Variants in POLH observed in about 807,000 individuals in gnomAD.
The protein encoded by POLH is DNA polymerase eta transcript.
POLH carries 53 observed loss-of-function variants against 73.6 expected under a neutral mutation model. That is an observed-to-expected ratio of 0.72 (90% CI 0.58 to 0.91). The LOEUF (loss-of-function observed/expected upper bound fraction) is 0.91. Among genes scored for constraint, POLH ranks in the 40% least tolerant of loss-of-function variants. POLH has a pLI of 0.00. For missense variants in POLH, 768 were observed against 865.4 expected (o/e 0.89, Z 1.41); for synonymous variants, 292 against 308.5 (o/e 0.95, Z 0.56).
At chr6:43,578,352 A>G (rs1763620961) in intron 1 of POLH, 1 of 413,410 alleles carries the variant, frequency 2.4e-6, no homozygotes, top group Non-Finnish European at 4.7e-6. Flanking sequence ...GTGCCATTGC[A>G]CTCCAGCCTG....
intron 3 of POLH, among the ~76,000 whole-genome samples, chr6:43,586,519 C>T (rs1388904177): frequency 2.0e-5 from 3 of 151,978 alleles, no homozygotes; most frequent in South Asian, 2.1e-4. Flanking sequence ...TGTATATTGT[C>T]GTAGAAAACT....
At chr6:43,593,896 A>AAAAAAAG (rs1554139794) in intron 4 of POLH, among the ~76,000 whole-genome samples, 1 of 146,090 alleles carries the variant, frequency 6.8e-6, no homozygotes, top group African/African-American at 2.5e-5. Flanking sequence ...AAAAAAAAAA[A>AAAAAAAG]AAAGAAAGAA....
Position 43,616,261 on chromosome 6 carries a change from CAG to C in POLH, c.*1707_*1708del, listed in dbSNP as rs1235409467. Among the ~76,000 whole-genome samples the C allele has an allele frequency of 1.5e-5, 2 of 130,684 alleles. No individual in the cohort carries two copies. Among genetic ancestry groups the C allele is most frequent in the Non-Finnish European group, 3.2e-5 (2 of 61,548 alleles). 85.7% of individuals were successfully genotyped at this position (130,684 alleles called of 152,430 possible). On this transcript the variant is annotated 3_prime_UTR_variant, in exon 11 of 11. Transcript: ENST00000372236. ...CGCCACTGCACTCCAGCCTGGGTGA[CAG>C]AGCGAGACTCCGTCTCAAAAAAAAA...
In POLH at chr6:43,583,367, C is replaced by T. The variant is rs185183175; in HGVS notation, c.272+226C>T. Among the ~76,000 whole-genome samples, 49 of 152,266 alleles carry T rather than the reference C, an allele frequency of 3.2e-4. No individual in the cohort carries two copies. In the East Asian group the frequency reaches 6.8e-3, roughly 21 times the overall value. ...AGAGTTGCTGCCTTTGATATCTATT[C>T]AGTTCCTTAATTGTTCAAAATTGGT... On this transcript the variant is annotated intron_variant, in intron 3 of 10. Coordinates refer to ENST00000372236, the MANE Select transcript of POLH (RefSeq NM_006502.3).
At chr6:43,576,697 TGTGC>T (rs1763382886) in intron 1 of POLH, among the ~76,000 whole-genome samples, 3 of 152,376 alleles carry the variant, frequency 2.0e-5, no homozygotes, top group African/African-American at 7.2e-5. Flanking sequence ...AAACTTGTTT[TGTGC>T]GGATTGGGGT....
At chr6:43,613,533 C>A in intron 10 of POLH, 127 bp from the exon 11 acceptor site, 1 of 779,166 alleles carries the variant, frequency 1.3e-6, no homozygotes, top group East Asian at 2.5e-5. Context: ...AACCAGAATG[C>A]TAGTCATCTA....
chr6:43,581,554 G>A (rs1471728885), intron 1 of POLH, among the ~76,000 whole-genome samples: 1 of 150,542 alleles, frequency 6.6e-6, no homozygotes, highest in Non-Finnish European at 1.5e-5. Context: ...GCTGCTCCTT[G>A]CCCTCGGGCC....
chr6:43,609,672 G>A (rs1767670757), intron 9 of POLH, among the ~76,000 whole-genome samples: 1 of 152,142 alleles, frequency 6.6e-6, no homozygotes, highest in Non-Finnish European at 1.5e-5. Context: ...GAAACTTCTG[G>A]AATTGGTGGC....
At position 43,618,853 on chromosome 6, in the gene POLH, A is replaced by G. The variant is rs1351709198; in HGVS notation, c.*4296A>G. 6.8e-6 allele frequency among the ~76,000 whole-genome samples: 1 copy of G among 147,174 alleles called. No homozygotes were observed. Among genetic ancestry groups the G allele is most frequent in the Middle Eastern group, 3.6e-3 (1 of 274 alleles). On this transcript the variant is annotated 3_prime_UTR_variant, in exon 11 of 11. Coordinates refer to ENST00000372236, the MANE Select transcript of POLH (RefSeq NM_006502.3). ...GCCACGTTGGCCAGGCTGGTCTTGA[A>G]CTCTTGATCTCAAGTGATCCACCCG...
At position 43,618,819 on chromosome 6, in the gene POLH, T is replaced by G. The variant is rs1554142529; in HGVS notation, c.*4262T>G. 6.6e-6 allele frequency among the ~76,000 whole-genome samples: 1 copy of G among 151,652 alleles called. No individual in the cohort carries two copies. Among genetic ancestry groups the G allele is most frequent in the East Asian group, 2.0e-4 (1 of 5,082 alleles). ...CTAATTTTTGTATTTTTAGTAGAGA[T>G]GGGGTTTCGCCACGTTGGCCAGGCT... On this transcript the variant is annotated 3_prime_UTR_variant, in exon 11 of 11. Coordinates refer to ENST00000372236, the MANE Select transcript of POLH (RefSeq NM_006502.3).
chr6:43,598,939 C>T lies in POLH; in HGVS notation c.660+1074C>T, dbSNP rs538731455. On this transcript the variant is annotated intron_variant, in intron 5 of 10. Coordinates refer to ENST00000372236, the MANE Select transcript of POLH (RefSeq NM_006502.3). Reference sequence around the variant, plus strand: ...GTTGGAAAAAGGAGGCTAGTCTTTGCACTTACATACATTAATGTATTTCTT... The same window carrying T: ...GTTGGAAAAAGGAGGCTAGTCTTTGTACTTACATACATTAATGTATTTCTT... Among the ~76,000 whole-genome samples, 3 of 150,344 alleles carry T rather than the reference C, an allele frequency of 2.0e-5. No individual in the cohort carries two copies. The South Asian group carries it at 6.3e-4, about 31-fold the overall frequency.
intron 5 of POLH, 140 bp downstream of exon 5, chr6:43,598,005 G>A: frequency 4.0e-6 from 3 of 744,318 alleles, no homozygotes; most frequent in East Asian, 2.7e-5. Context: ...GTGAGCCCAG[G>A]AGTTGAAGAG....
At position 43,605,320 on chromosome 6, in the gene POLH, G is replaced by GT. The variant is rs757424910; in HGVS notation, c.1074+2dup. 2.6e-6 allele frequency: 4 copies of GT among 1,554,392 alleles called. No homozygotes were observed. The South Asian group carries it at 4.5e-5, about 17-fold the overall frequency. ...GAGACTGACTAAAGACCGAAATGAT[G>GT]TAAGATTTTCTTTCTTTATTCCTGG... is the stretch of plus-strand genomic sequence containing the variant. On this transcript the variant is annotated splice_donor_variant, in intron 9 of 10. Transcript: ENST00000372236. LOFTEE classifies it high-confidence loss of function.
In POLH at chr6:43,604,061, T is replaced by C. The variant is rs777226172; in HGVS notation, c.884+50T>C. The stretch of plus-strand genomic sequence containing the variant: ...TCATAACCTTTATGGAGATGCTATA[T>C]TCAAATATAGACAAAACCATCTAGT... On this transcript the variant is annotated intron_variant, in intron 7 of 10. Transcript: ENST00000372236. 2.7e-6 allele frequency: 4 copies of C among 1,458,968 alleles called. No homozygotes were observed. In the Admixed American group the frequency reaches 6.7e-5, roughly 24 times the overall value. The allele number at this position is 1,458,968 out of a possible 1,614,324, so 90.4% of individuals were successfully genotyped here.
rs940767656 is a variant in POLH, at chr6:43,616,901, C to T, written c.*2344C>T. Among the ~76,000 whole-genome samples the T allele has an allele frequency of 2.6e-5, 4 of 152,166 alleles. No homozygotes were observed. Among genetic ancestry groups the T allele is most frequent in the Non-Finnish European group, 4.4e-5 (3 of 68,024 alleles). On this transcript the variant is annotated 3_prime_UTR_variant, in exon 11 of 11. Coordinates refer to ENST00000372236, the MANE Select transcript of POLH (RefSeq NM_006502.3). The stretch of plus-strand genomic sequence containing the variant: ...CTGTTTAGATCTGATAAGTCATAAT[C>T]AAATCTTGCCAGGCGTGGTGGTTTA...
rs778343504 is a variant in POLH at position 43,605,238 on chromosome 6, C to T, written c.1009-16C>T. 7 of 1,488,242 alleles carry T rather than the reference C, an allele frequency of 4.7e-6. No individual in the cohort carries two copies. In the African/African-American group the frequency reaches 5.5e-5, roughly 12 times the overall value. The allele number at this position is 1,488,242 out of a possible 1,614,324, so 92.2% of individuals were successfully genotyped here. On this transcript the variant is annotated splice_polypyrimidine_tract_variant and intron_variant, in intron 8 of 10. Coordinates refer to ENST00000372236, the MANE Select transcript of POLH (RefSeq NM_006502.3). ...GAGTGTTTAAATGAAAGATTAAAGTCTCAATACTTTTTTAGGTACAATGGT... is the reference window on the plus strand; with the variant it reads ...GAGTGTTTAAATGAAAGATTAAAGTTTCAATACTTTTTTAGGTACAATGGT...
chr6:43,607,102 T>G (rs1047125775), intron 9 of POLH, among the ~76,000 whole-genome samples: 1 of 152,216 alleles, frequency 6.6e-6, no homozygotes, highest in African/African-American at 2.4e-5. Context: ...GTTTGTTTTG[T>G]TTTTGTTTTT....
chr6:43,606,240 A>G (rs1397542909), intron 9 of POLH, among the ~76,000 whole-genome samples: 2 of 151,752 alleles, frequency 1.3e-5, no homozygotes, highest in African/African-American at 4.8e-5. Flanking sequence ...ACATTAGCTC[A>G]ATAGACTTGT....
intron 5 of POLH, among the ~76,000 whole-genome samples, chr6:43,600,671 T>C (rs1318740922): frequency 6.6e-6 from 1 of 152,192 alleles, no homozygotes; most frequent in Non-Finnish European, 1.5e-5. Context: ...CTTGAGTTTC[T>C]CCTGCAGTTT....
Sources: allele counts gnomAD v4.1 joint callset (sites outside exome capture counted in the v4.1 genomes callset), GRCh38; gene constraint gnomAD v4.1.1; transcripts MANE v1.5; gene names NCBI Gene and HGNC (gene_info 2026-07-23, HGNC 2026-07-21).